The following MLXIP variants were observed in gnomAD, a reference collection of about 807,000 sequenced individuals.
The protein encoded by MLXIP is MLX interacting protein, also known as MLX-interacting protein.
Under a neutral mutation model 87.2 loss-of-function variants are expected in MLXIP, and 30 were observed. That is an observed-to-expected ratio of 0.34 (90% CI 0.26 to 0.47). MLXIP has a LOEUF of 0.47. Ranked by LOEUF, MLXIP falls within the 20% of genes least tolerant of loss-of-function variation. The pLI is 1.00. For synonymous variants in MLXIP, 530 were observed against 514.0 expected, an observed-to-expected ratio of 1.03 and a Z score of -0.42; for missense variants, 1,002 against 1,240.1, an observed-to-expected ratio of 0.81 and a Z score of 2.88.
intron 1 of MLXIP, among the ~76,000 whole-genome samples, chr12:122,092,916 T>TGATGTGTGCTGGTGTGTGG (rs1555227202): frequency 6.6e-6 from 1 of 150,708 alleles, no homozygotes; most frequent in Non-Finnish European, 1.5e-5. Context: ...TTGTTGTGTG[T>TGATGTGTGCTGGTGTGTGG]GATGTGTGTG....
chr12:122,135,118 C>T lies in MLXIP; in HGVS notation c.1733-106C>T. On this transcript the variant is annotated intron_variant, in intron 9 of 16. Transcript: ENST00000319080. This position sits in a 1 kb window ranked among gnomAD's most constrained non-coding sequence, Gnocchi z 5.3. ...CTTGGTGGCTTTGTCTTCCTGTCCC[C>T]TGGGGTTGAGAACAAGCTGTCTCAC... The T allele has an allele frequency of 2.1e-6, 3 of 1,430,858 alleles. No homozygotes were observed. The highest frequency in any genetic ancestry group is 1.2e-5 in the South Asian group (1 of 81,646). The allele number at this position is 1,430,858 out of a possible 1,614,324, so 88.6% of individuals were successfully genotyped here.
chr12:122,129,148 G>A lies in MLXIP; in HGVS notation c.618G>A (p.Thr206=), dbSNP rs375150609. 196 of 1,609,520 alleles carry A rather than the reference G, an allele frequency of 1.2e-4. No individual in the cohort carries two copies. The highest frequency in any genetic ancestry group is 1.6e-4 in the Non-Finnish European group (189 of 1,178,066). ...DEHRRPEAIT[T]EGKYWKSRIE... ...TGTCCCTGTCCTAGGCCATCACCACGGAAGGGAAGTACTGGAAGAGCCGCA... is the reference window on the plus strand; with the variant it reads ...TGTCCCTGTCCTAGGCCATCACCACAGAAGGGAAGTACTGGAAGAGCCGCA... Residue 206 remains threonine, a synonymous_variant, in exon 4 of 17, where the codon ACG becomes ACA. Coordinates refer to ENST00000319080, the MANE Select transcript of MLXIP (RefSeq NM_014938.6).
rs1953207044 is a variant in MLXIP, at chr12:122,141,676, C to T, written c.2639-15C>T. 1.2e-6 allele frequency: 2 copies of T among 1,612,820 alleles called. No homozygotes were observed. The highest frequency in any genetic ancestry group is 2.7e-5 in the African/African-American group (2 of 74,924). On this transcript the variant is annotated splice_polypyrimidine_tract_variant and intron_variant, in intron 16 of 16. Transcript: ENST00000319080. ...TCTGTGTCACTGCCTGTGTCTGACC[C>T]TTTCTGTCTTGCAGTGGTATTGAGC...
intron 1 of MLXIP, among the ~76,000 whole-genome samples, chr12:122,094,154 ATGTT>A (rs1476388298): frequency 4.3e-5 from 4 of 93,358 alleles, no homozygotes; most frequent in Non-Finnish European, 6.2e-5. Flanking sequence ...TGGGATGTGT[ATGTT>A]TGCAGTGTCT....
At chr12:122,086,014 A>G (rs977792024) in intron 1 of MLXIP, among the ~76,000 whole-genome samples, 6 of 152,178 alleles carry the variant, frequency 3.9e-5, no homozygotes, top group Non-Finnish European at 8.8e-5. Flanking sequence ...TTAAGAGGGA[A>G]TCAAAGAGAG....
intron 1 of MLXIP, among the ~76,000 whole-genome samples, chr12:122,097,196 C>T (rs146905939): frequency 9.9e-5 from 15 of 152,134 alleles, no homozygotes; most frequent in South Asian, 2.1e-4. Flanking sequence ...GACAGGGTCT[C>T]GCTCTGTCAC....
rs1448835327 is a variant in MLXIP at position 122,133,466 on chromosome 12, G to A, written c.1211G>A (p.Arg404Gln). The change falls in exon 9 of 17, where the codon CGG (arginine) becomes CAG (glutamine). Residue 404 changes from arginine to glutamine, a missense_variant. Around this residue, in one of 3 missense-constraint regions of MLXIP, gnomAD observed 746 missense variants for 897.0 expected, o/e 0.83. Transcript: ENST00000319080. The surrounding 1 kb of genome is among the most constrained non-coding windows in gnomAD (Gnocchi z 4.9). ...MDEQGCEHTS[R>Q]TEDPFIQPTD... Reference sequence around the variant, plus strand: ...GAGCAGGGCTGTGAACACACCTCCCGGACTGAGGACCCGTTTATCCAGCCC... The same window carrying A: ...GAGCAGGGCTGTGAACACACCTCCCAGACTGAGGACCCGTTTATCCAGCCC... 3.7e-6 allele frequency: 6 copies of A among 1,612,922 alleles called. No individual in the cohort carries two copies. Among genetic ancestry groups the A allele is most frequent in the Non-Finnish European group, 5.1e-6 (6 of 1,179,772 alleles).
intron 3 of MLXIP, 68 bp downstream of exon 3, chr12:122,128,036 C>T (rs2135970184): frequency 9.5e-6 from 13 of 1,372,608 alleles, no homozygotes; most frequent in South Asian, 3.5e-5. Flanking sequence ...AGTGGCTCAC[C>T]GCGGGCTGGT....
At chr12:122,079,302 G>T (rs1390726795) in intron 1 of MLXIP, 36 bp downstream of exon 1, 15 of 1,535,184 alleles carry the variant, frequency 9.8e-6, no homozygotes, top group Admixed American at 8.1e-5. Flanking sequence ...GCCCCGGCCG[G>T]AGGCCCTTGT....
chr12:122,134,145 T>C (rs1365125044), intron 9 of MLXIP, 158 bp downstream of exon 9: 1 of 900,258 alleles, frequency 1.1e-6, no homozygotes, highest in Non-Finnish European at 1.6e-6. Context: ...TGTCATGAAA[T>C]AATACATGGC....
chr12:122,129,783 G>A, intron 5 of MLXIP, 154 bp downstream of exon 5: 1 of 1,294,990 alleles, frequency 7.7e-7, no homozygotes, highest in South Asian at 1.4e-5. Flanking sequence ...TCTCTCTCCT[G>A]GGTGGGCTGG....
rs116119990 is a variant in MLXIP, at chr12:122,122,340, C to T, written c.414-4916C>T. ...GGCTCTGCCAGGGAGGGCTGCCCTC[C>T]ACTGCTGCAGGCTCCCTTGTGGGCT... On this transcript the variant is annotated intron_variant, in intron 1 of 16. Transcript: ENST00000319080. Among the ~76,000 whole-genome samples the T allele has an allele frequency of 4.8e-3, 726 of 152,176 alleles. 6 individuals carry two copies. Among genetic ancestry groups the T allele is most frequent in the African/African-American group, 0.016 (680 of 41,510 alleles).
At chr12:122,124,131 A>G (rs1195351352) in intron 1 of MLXIP, among the ~76,000 whole-genome samples, 6 of 150,770 alleles carry the variant, frequency 4.0e-5, no homozygotes, top group East Asian at 2.0e-4. Context: ...GTGCTGCATG[A>G]GGGGAACCTC....
At chr12:122,102,108 A>G (rs931841656) in intron 1 of MLXIP, among the ~76,000 whole-genome samples, 1 of 152,246 alleles carries the variant, frequency 6.6e-6, no homozygotes, top group African/African-American at 2.4e-5. Context: ...GAAGTCTGAT[A>G]TACATTGCAA....
rs547600017 is a variant in MLXIP at position 122,112,863 on chromosome 12, T to C, written c.414-14393T>C. Reference sequence around the variant, plus strand: ...ATAAATCCTAGTTGGCTTTATTGAATTGAATGTAACAAGGGAAGCCGTGAA... The same window carrying C: ...ATAAATCCTAGTTGGCTTTATTGAACTGAATGTAACAAGGGAAGCCGTGAA... On this transcript the variant is annotated intron_variant, in intron 1 of 16. Coordinates refer to ENST00000319080, the MANE Select transcript of MLXIP (RefSeq NM_014938.6). 3.3e-5 allele frequency among the ~76,000 whole-genome samples: 5 copies of C among 152,290 alleles called. No homozygotes were observed. In the South Asian group the frequency reaches 1.0e-3, roughly 32 times the overall value.
chr12:122,111,561 T>C (rs749787357), intron 1 of MLXIP, among the ~76,000 whole-genome samples: 9 of 152,248 alleles, frequency 5.9e-5, no homozygotes, highest in Non-Finnish European at 1.0e-4. Flanking sequence ...CTTTCCCTGC[T>C]GCCTGTGGCT....
chr12:122,085,205 C>G (rs966418288), intron 1 of MLXIP, among the ~76,000 whole-genome samples: 1 of 152,076 alleles, frequency 6.6e-6, no homozygotes, highest in South Asian at 2.1e-4. Flanking sequence ...GCATGAACAT[C>G]GCATCCCCCT....
At chr12:122,125,331 C>A (rs1435187894) in intron 1 of MLXIP, among the ~76,000 whole-genome samples, 10 of 147,134 alleles carry the variant, frequency 6.8e-5, no homozygotes, top group African/African-American at 7.5e-5. Flanking sequence ...GACTCCATCT[C>A]AAAAAAAAAA....
chr12:122,118,882 A>ATGGGC (rs1481768399), intron 1 of MLXIP, among the ~76,000 whole-genome samples: 1 of 149,912 alleles, frequency 6.7e-6, no homozygotes, highest in African/African-American at 2.5e-5. Context: ...TAAAAAACAC[A>ATGGGC]TGGGCTGGGC....
Sources: gnomAD v4.1 joint callset for allele counts (sites outside exome capture counted in the v4.1 genomes callset) on GRCh38, gnomAD v4.1.1 for gene constraint, gnomAD v4.1.1 regional missense constraint, Gnocchi (gnomAD v3.1) non-coding constraint, MANE v1.5 for transcripts, NCBI Gene and HGNC (gene_info 2026-07-23, HGNC 2026-07-21) for gene names.